Variants in RGS22 observed in about 807,000 individuals in gnomAD.
RGS22 encodes regulator of G-protein signaling 22.
A neutral mutation model predicts 172.9 loss-of-function variants in RGS22; 148 were observed. That is an observed-to-expected ratio of 0.86 (90% CI 0.75 to 0.98). The LOEUF (loss-of-function observed/expected upper bound fraction) is 0.98, where lower values mean the gene tolerates loss of function less well. Ranked by LOEUF, RGS22 falls within the 50% of genes least tolerant of loss-of-function variation. The pLI, the probability that RGS22 is intolerant of heterozygous loss-of-function variation, is 0.00. For missense variants in RGS22, 1,347 were observed against 1,440.8 expected (o/e 0.93, Z 1.05); for synonymous variants, 458 against 480.2 (o/e 0.95, Z 0.60).
chr8:100,009,860 G>T (rs567015577), intron 14 of RGS22, among the ~76,000 whole-genome samples: 44 of 152,304 alleles, frequency 2.9e-4, no homozygotes, highest in African/African-American at 9.4e-4. Context: ...ACCTGGCTAG[G>T]TGCTATGTAT....
chr8:100,004,133 A>C, intron 16 of RGS22, 35 bp from the exon 17 acceptor site: 1 of 1,541,964 alleles, frequency 6.5e-7, no homozygotes, highest in Non-Finnish European at 8.7e-7. Context: ...AAAATCTCTT[A>C]AACACAACAG....
intron 3 of RGS22, among the ~76,000 whole-genome samples, chr8:100,081,967 G>C (rs1482832707): frequency 1.4e-5 from 2 of 146,184 alleles, no homozygotes; most frequent in Admixed American, 7.1e-5. Flanking sequence ...GGAACAGAAA[G>C]CTGTGATAAT....
chr8:100,001,816 G>T (rs1213097399), intron 18 of RGS22, among the ~76,000 whole-genome samples: 1 of 152,162 alleles, frequency 6.6e-6, no homozygotes, highest in Non-Finnish European at 1.5e-5. Context: ...TAGCTTAATG[G>T]TTGATAACAG....
chr8:100,005,945 C>T (rs766588711), intron 16 of RGS22, 72 bp downstream of exon 16: 12 of 1,048,654 alleles, frequency 1.1e-5, no homozygotes, highest in Admixed American at 1.9e-5. Context: ...CAATCTCCCC[C>T]TGCCCCATAC....
At chr8:100,001,904 C>T (rs960711105) in intron 18 of RGS22, among the ~76,000 whole-genome samples, 6 of 152,148 alleles carry the variant, frequency 3.9e-5, no homozygotes, top group African/African-American at 1.4e-4. Flanking sequence ...CTAGAACAGT[C>T]TGGCATAGTG....
chr8:100,000,394 GAAAA>G (rs1011437012), intron 18 of RGS22, among the ~76,000 whole-genome samples: 9 of 149,596 alleles, frequency 6.0e-5, no homozygotes, highest in Non-Finnish European at 1.0e-4. Context: ...AAAAGAAAAA[GAAAA>G]AAAAAGACTA....
intron 6 of RGS22, among the ~76,000 whole-genome samples, chr8:100,068,612 C>G (rs1315547464): frequency 1.3e-5 from 2 of 151,796 alleles, no homozygotes; most frequent in East Asian, 3.9e-4. Context: ...AGGACATTTC[C>G]AACATTTCTA....
chr8:100,088,826 CAG>C (rs1812347815), intron 3 of RGS22, among the ~76,000 whole-genome samples: 1 of 151,892 alleles, frequency 6.6e-6, no homozygotes, highest in African/African-American at 2.4e-5. Flanking sequence ...CATGTCATTA[CAG>C]ATAGGGAAAA....
intron 11 of RGS22, among the ~76,000 whole-genome samples, chr8:100,047,028 C>T (rs1277460283): frequency 1.3e-5 from 2 of 152,008 alleles, no homozygotes; most frequent in South Asian, 4.1e-4. Context: ...ATTACCTAGG[C>T]TGGTCTCAAG....
chr8:100,042,076 T>C (rs971357560), intron 11 of RGS22, 160 bp from the exon 12 acceptor site: 2 of 495,000 alleles, frequency 4.0e-6, no homozygotes, highest in Non-Finnish European at 7.2e-6. Flanking sequence ...AGCCCTAAAG[T>C]GGTGGTTCAG....
chr8:100,075,373 A>C (rs1194375450), intron 4 of RGS22, among the ~76,000 whole-genome samples: 1 of 152,170 alleles, frequency 6.6e-6, no homozygotes, highest in Non-Finnish European at 1.5e-5. Context: ...CTCTCTTGCC[A>C]TGTGATATTC....
chr8:99,982,150 T>G, intron 21 of RGS22, 34 bp from the exon 22 acceptor site: 1 of 1,502,132 alleles, frequency 6.7e-7, no homozygotes, highest in Non-Finnish European at 9.1e-7. Flanking sequence ...GGTATATAAT[T>G]AATGCATTAC....
intron 19 of RGS22, among the ~76,000 whole-genome samples, chr8:99,997,072 CTT>C (rs943360825): frequency 2.0e-5 from 3 of 152,132 alleles, no homozygotes; most frequent in African/African-American, 7.2e-5. Flanking sequence ...GGGGCTAAGT[CTT>C]TTTGATAGAG....
chr8:100,099,913 G>C (rs965898482), intron 2 of RGS22, among the ~76,000 whole-genome samples: 1 of 152,158 alleles, frequency 6.6e-6, no homozygotes, highest in Non-Finnish European at 1.5e-5. Context: ...GCTGCCTAGT[G>C]TGTCAGCCCC....
chr8:100,003,315 T>C (rs554000498), intron 17 of RGS22, among the ~76,000 whole-genome samples: 1 of 151,546 alleles, frequency 6.6e-6, no homozygotes, highest in East Asian at 1.9e-4. Context: ...ATTAAAAAAA[T>C]TAATAAATAA....
chr8:99,982,161 C>T (rs6468704), intron 21 of RGS22, 45 bp from the exon 22 acceptor site: 320,427 of 1,410,574 alleles, frequency 0.23, 47,574 homozygotes, highest in African/African-American at 0.76. Context: ...AATGCATTAC[C>T]AGAACACTTA....
chr8:100,099,856 G>A (rs1586297183), intron 2 of RGS22, among the ~76,000 whole-genome samples: 1 of 152,336 alleles, frequency 6.6e-6, no homozygotes, highest in African/African-American at 2.4e-5. Context: ...GGAGAACGTA[G>A]GGGTAGTACT....
chr8:100,052,780 A>G (rs1338847167), intron 10 of RGS22, 22 bp downstream of exon 10: 1 of 1,606,000 alleles, frequency 6.2e-7, no homozygotes, highest in Admixed American at 1.7e-5. Flanking sequence ...AGTAGAGATC[A>G]CAGCATGAAT....
chr8:100,083,833 T>TC (rs1210443446), intron 3 of RGS22, among the ~76,000 whole-genome samples: 1 of 70,746 alleles, frequency 1.4e-5, no homozygotes, highest in African/African-American at 3.1e-5. Context: ...TTCTTTTCTT[T>TC]TTTTTTTTTT....
Sources: gnomAD v4.1 joint callset for allele counts (sites outside exome capture counted in the v4.1 genomes callset) on GRCh38, gnomAD v4.1.1 for gene constraint, MANE v1.5 for transcripts, NCBI Gene and HGNC (gene_info 2026-07-23, HGNC 2026-07-21) for gene names.